Variants in STIMATE observed in about 807,000 individuals in gnomAD.
STIMATE encodes STIM activating enhancer.
In STIMATE, 15 loss-of-function variants were observed where a neutral mutation model predicts 36.7. That is an observed-to-expected ratio of 0.41 (90% CI 0.27 to 0.63). The LOEUF (loss-of-function observed/expected upper bound fraction) is 0.63, where lower values mean the gene tolerates loss of function less well. Among genes scored for constraint, STIMATE ranks in the 20% least tolerant of loss-of-function variants. The pLI is 0.32. For missense variants in STIMATE, 305 were observed against 397.3 expected, an observed-to-expected ratio of 0.77 and a Z score of 1.98; for synonymous variants, 163 against 162.3, an observed-to-expected ratio of 1.00 and a Z score of -0.03.
At chr3:52,878,669 T>G (rs749035605) in intron 1 of STIMATE, among the ~76,000 whole-genome samples, 1 of 152,252 alleles carries the variant, frequency 6.6e-6, no homozygotes, top group Non-Finnish European at 1.5e-5. Flanking sequence ...ATTTTTATTC[T>G]GATAGCATCG....
intron 1 of STIMATE, among the ~76,000 whole-genome samples, chr3:52,867,613 T>A (rs1380089863): frequency 6.6e-6 from 1 of 152,272 alleles, no homozygotes. Context: ...GATGGCCTCA[T>A]TTCTCAAGCT....
intron 7 of STIMATE, 45 bp downstream of exon 7, chr3:52,842,766 A>G (rs2106648616): frequency 6.2e-7 from 1 of 1,612,056 alleles, no homozygotes; most frequent in Non-Finnish European, 8.5e-7. Flanking sequence ...CCCTTGGGCC[A>G]GCGATACGAC....
intron 1 of STIMATE, among the ~76,000 whole-genome samples, chr3:52,877,675 C>T (rs919779022): frequency 6.6e-6 from 1 of 152,236 alleles, no homozygotes. Context: ...TGTCCTACCT[C>T]CCCAGGGTTG....
At chr3:52,897,224 C>G (rs1701879864) in intron 1 of STIMATE, 67 bp downstream of exon 1, 5 of 1,508,468 alleles carry the variant, frequency 3.3e-6, no homozygotes, top group Non-Finnish European at 4.4e-6. Context: ...GCAGGAGGGG[C>G]CCCCAGGGGG....
chr3:52,897,147 T>C (rs1229339289), intron 1 of STIMATE, 144 bp downstream of exon 1: 2 of 1,101,114 alleles, frequency 1.8e-6, no homozygotes, highest in Non-Finnish European at 2.5e-6. Flanking sequence ...CTACCCCTAG[T>C]GCAGGAATAC....
In STIMATE at chr3:52,842,819, C is replaced by T; in HGVS notation, c.760G>A (p.Glu254Lys). Residue 254 changes from glutamate (E) to lysine (K), a missense_variant, in exon 7 of 8, where the codon GAG becomes AAG. Around this residue, in one of 3 missense-constraint regions of STIMATE, gnomAD observed 84 missense variants for 82.4 expected, o/e 1.02. Coordinates refer to ENST00000355083, the MANE Select transcript of STIMATE (RefSeq NM_198563.5). ...YRRAASHEES[E>K]SEILISADDE... ...AGTCAGGGAGGCCCTACCTCAGACT[C>T]AGACTCCTCGTGGGATGCGGCCCTC... 6.2e-7 allele frequency: 1 copy of T among 1,614,234 alleles called. No individual in the cohort carries two copies. Among genetic ancestry groups the T allele is most frequent in the Non-Finnish European group, 8.5e-7 (1 of 1,180,050 alleles).
chr3:52,887,975 A>G (rs1701716400), intron 1 of STIMATE, among the ~76,000 whole-genome samples: 1 of 142,212 alleles, frequency 7.0e-6, no homozygotes, highest in Admixed American at 7.2e-5. Context: ...GTTTGCTCTA[A>G]CTTCATATAA....
chr3:52,889,745 A>G (rs1701751845), intron 1 of STIMATE, among the ~76,000 whole-genome samples: 1 of 152,168 alleles, frequency 6.6e-6, no homozygotes, highest in Non-Finnish European at 1.5e-5. Context: ...AGTCCCAAAG[A>G]TAAACAGTGT....
chr3:52,842,032 C>G (rs773508010), intron 7 of STIMATE, among the ~76,000 whole-genome samples: 1 of 152,224 alleles, frequency 6.6e-6, no homozygotes, highest in Non-Finnish European at 1.5e-5. Flanking sequence ...CCAGGGCCCT[C>G]GTTGGGTTCT....
intron 4 of STIMATE, among the ~76,000 whole-genome samples, chr3:52,846,041 TGCAGCAATCCCTGTTTGGGC>T (rs1046816511): frequency 2.6e-5 from 4 of 152,256 alleles, no homozygotes; most frequent in African/African-American, 9.6e-5. Context: ...TTATTGTTTC[TGCAGCAATCCCTGTTTGGGC>T]ACCCATGCTG....
At chr3:52,866,794 A>G (rs1701321100) in intron 1 of STIMATE, among the ~76,000 whole-genome samples, 1 of 152,228 alleles carries the variant, frequency 6.6e-6, no homozygotes, top group African/African-American at 2.4e-5. Flanking sequence ...ACAGAGTGGT[A>G]GAGTAACAAG....
chr3:52,851,552 CCCTT>C (rs1700998209), intron 3 of STIMATE, among the ~76,000 whole-genome samples: 2 of 152,214 alleles, frequency 1.3e-5, no homozygotes, highest in African/African-American at 4.8e-5. Context: ...CTCCTGCCTG[CCCTT>C]CCTCTGTAAA....
At chr3:52,891,973 T>C (rs1351080418) in intron 1 of STIMATE, among the ~76,000 whole-genome samples, 2 of 152,182 alleles carry the variant, frequency 1.3e-5, no homozygotes, top group Non-Finnish European at 2.9e-5. Context: ...GGGAGAAAAC[T>C]GAAGCTTTGA....
chr3:52,881,430 G>A lies in STIMATE; in HGVS notation c.160+15861C>T, dbSNP rs187292041. On this transcript the variant is annotated intron_variant, in intron 1 of 7. Transcript: ENST00000355083. ...CTTCAAGAACTCAGGAGGGCTGGGC[G>A]CGGTGGCTTGACGCCTGTAATCCCA... Among the ~76,000 whole-genome samples, 25 of 152,058 alleles carry A rather than the reference G, an allele frequency of 1.6e-4. No homozygotes were observed. The East Asian group carries it at 2.9e-3, about 18-fold the overall frequency.
At chr3:52,877,595 C>T (rs779021167) in intron 1 of STIMATE, among the ~76,000 whole-genome samples, 2 of 152,160 alleles carry the variant, frequency 1.3e-5, no homozygotes, top group Admixed American at 6.5e-5. Context: ...CCCTCCAGTT[C>T]GACCTGTACA....
At chr3:52,885,440 A>C (rs1701674126) in intron 1 of STIMATE, among the ~76,000 whole-genome samples, 1 of 152,150 alleles carries the variant, frequency 6.6e-6, no homozygotes, top group African/African-American at 2.4e-5. Context: ...GTTGAAACCT[A>C]ATATTAAGGC....
intron 4 of STIMATE, chr3:52,847,221 C>A (rs984763446): frequency 2.6e-5 from 29 of 1,136,474 alleles, no homozygotes; most frequent in Non-Finnish European, 3.1e-5. Flanking sequence ...CCTTGTGTGT[C>A]TTGCTTTTTA....
Position 52,852,617 on chromosome 3 carries a change from C to G in STIMATE, c.291G>C (p.Glu97Asp). 1 of 1,614,132 alleles carries G rather than the reference C, an allele frequency of 6.2e-7. No homozygotes were observed. The highest frequency in any genetic ancestry group is 8.5e-7 in the Non-Finnish European group (1 of 1,180,012). Residue 97 changes from glutamate to aspartate, a missense_variant, in exon 3 of 8, where the codon GAG (glutamate) becomes GAC (aspartate). Physicochemically the swap from Glu to Asp is conservative, Grantham distance 45. Transcript: ENST00000355083. ...ANVYLADLTE[E>D]DPCSLYLINF... Reference sequence around the variant, plus strand: ...GGAACACTTACAGTGAACAAGGGTCCTCTTCAGTGAGATCTGCTAGGTATA... The same window carrying G: ...GGAACACTTACAGTGAACAAGGGTCGTCTTCAGTGAGATCTGCTAGGTATA...
At chr3:52,860,126 T>TA (rs11295589) in intron 1 of STIMATE, among the ~76,000 whole-genome samples, 22,021 of 135,306 alleles carry the variant, frequency 0.16, 1,809 homozygotes, top group Non-Finnish European at 0.18. Context: ...GTAAAGGGGG[T>TA]AAAAAAAAAA....
Sources: gnomAD v4.1 joint callset for allele counts (sites outside exome capture counted in the v4.1 genomes callset) on GRCh38, gnomAD v4.1.1 for gene constraint, gnomAD v4.1.1 regional missense constraint, MANE v1.5 for transcripts, NCBI Gene and HGNC (gene_info 2026-07-23, HGNC 2026-07-21) for gene names.